TFCP2L1: variants seen among roughly 807,000 people sequenced by gnomAD.
TFCP2L1 encodes the protein transcription factor CP2 like 1, also known as transcription factor CP2-like protein 1.
A neutral mutation model predicts 72.2 loss-of-function variants in TFCP2L1; 12 were observed. That is an observed-to-expected ratio of 0.17 (90% CI 0.11 to 0.27). The LOEUF (loss-of-function observed/expected upper bound fraction) is 0.27, where lower values mean the gene tolerates loss of function less well. Among genes scored for constraint, TFCP2L1 ranks in the 10% least tolerant of loss-of-function variants. The pLI is 1.00. For missense variants in TFCP2L1, 488 were observed against 624.6 expected (o/e 0.78, Z 2.33); for synonymous variants, 260 against 251.0 (o/e 1.04, Z -0.34).
intron 11 of TFCP2L1, among the ~76,000 whole-genome samples, chr2:121,234,506 A>G (rs553616928): frequency 1.3e-5 from 2 of 152,284 alleles, no homozygotes; most frequent in South Asian, 4.1e-4. Flanking sequence ...TCATCCTCAC[A>G]AAACTTGCAA....
intron 2 of TFCP2L1, among the ~76,000 whole-genome samples, chr2:121,269,500 C>G (rs557489776): frequency 8.6e-5 from 13 of 151,914 alleles, no homozygotes; most frequent in African/African-American, 2.4e-4. Flanking sequence ...GTGGCTCATG[C>G]GTATAATCCC....
intron 10 of TFCP2L1, among the ~76,000 whole-genome samples, chr2:121,237,358 C>A (rs1441745650): frequency 1.3e-5 from 2 of 152,200 alleles, no homozygotes; most frequent in Non-Finnish European, 2.9e-5. Flanking sequence ...GCCCACCAAC[C>A]CCCCGCAGGT....
chr2:121,226,435 C>G (rs1686033533), intron 13 of TFCP2L1, among the ~76,000 whole-genome samples: 1 of 151,826 alleles, frequency 6.6e-6, no homozygotes, highest in African/African-American at 2.4e-5. Flanking sequence ...CTTCCAGTCT[C>G]TATAACGGAT....
At chr2:121,247,101 T>C (rs1008986610) in intron 5 of TFCP2L1, 131 bp from the exon 6 acceptor site, 5 of 1,077,830 alleles carry the variant, frequency 4.6e-6, no homozygotes, top group Non-Finnish European at 6.7e-6. Flanking sequence ...ACCTCCCTGC[T>C]TTCCCTGACA....
chr2:121,249,480 G>T, intron 3 of TFCP2L1, 91 bp downstream of exon 3: 1 of 1,232,068 alleles, frequency 8.1e-7, no homozygotes, highest in Non-Finnish European at 1.2e-6. Context: ...TAACCTTCCA[G>T]CTACCCGTGC....
chr2:121,284,264 C>T (rs1398303778), intron 1 of TFCP2L1, among the ~76,000 whole-genome samples: 2 of 152,180 alleles, frequency 1.3e-5, no homozygotes, highest in Admixed American at 6.5e-5. Flanking sequence ...TAAGGACAGG[C>T]TAAAGCTGGT....
intron 1 of TFCP2L1, 104 bp downstream of exon 1, chr2:121,284,944 G>T: frequency 9.5e-7 from 1 of 1,049,600 alleles, no homozygotes; most frequent in Non-Finnish European, 1.3e-6. Context: ...ACAGCGGGGA[G>T]GCCAGGGCCC....
At chr2:121,252,041 CATTCTATTCT>C (rs1037583876) in intron 2 of TFCP2L1, among the ~76,000 whole-genome samples, 2 of 151,962 alleles carry the variant, frequency 1.3e-5, no homozygotes, top group African/African-American at 2.4e-5. Flanking sequence ...TATTCTATTC[CATTCTATTCT>C]ATTCTATTCT....
intron 2 of TFCP2L1, among the ~76,000 whole-genome samples, chr2:121,264,536 G>A (rs1686890985): frequency 6.6e-6 from 1 of 152,204 alleles, no homozygotes. Context: ...GGAGGGGAAT[G>A]AGAGCACCTG....
At chr2:121,254,913 G>A (rs1012854137) in intron 2 of TFCP2L1, among the ~76,000 whole-genome samples, 1 of 152,130 alleles carries the variant, frequency 6.6e-6, no homozygotes, top group African/African-American at 2.4e-5. Flanking sequence ...GTGCTTATCT[G>A]TGGCAAAGCC....
chr2:121,233,758 G>A (rs1199796332), intron 12 of TFCP2L1, among the ~76,000 whole-genome samples: 1 of 152,202 alleles, frequency 6.6e-6, no homozygotes, highest in African/African-American at 2.4e-5. Flanking sequence ...GCTGCATCAG[G>A]AGCAGTTTGA....
chr2:121,259,507 T>A (rs928430234), intron 2 of TFCP2L1, among the ~76,000 whole-genome samples: 1 of 152,250 alleles, frequency 6.6e-6, no homozygotes, highest in Non-Finnish European at 1.5e-5. Flanking sequence ...CTGGTGAATC[T>A]GATGGAGGAT....
At chr2:121,274,039 A>G (rs1031118980) in intron 2 of TFCP2L1, among the ~76,000 whole-genome samples, 2 of 150,286 alleles carry the variant, frequency 1.3e-5, no homozygotes, top group Non-Finnish European at 3.0e-5. Flanking sequence ...GGTTGCAGTG[A>G]GCCGAGGTCA....
At chr2:121,246,455 G>A (rs1237494750) in intron 6 of TFCP2L1, among the ~76,000 whole-genome samples, 3 of 152,110 alleles carry the variant, frequency 2.0e-5, no homozygotes, top group Admixed American at 6.5e-5. Context: ...GAATCCAGAC[G>A]TGAGCACCTG....
At chr2:121,241,949 T>C (rs1383606919) in intron 7 of TFCP2L1, among the ~76,000 whole-genome samples, 2 of 151,908 alleles carry the variant, frequency 1.3e-5, no homozygotes, top group South Asian at 4.2e-4. Flanking sequence ...GCAGACAAAG[T>C]TGGGCCAGAT....
At chr2:121,275,355 C>T (rs554714203) in intron 2 of TFCP2L1, among the ~76,000 whole-genome samples, 50 of 128,928 alleles carry the variant, frequency 3.9e-4, no homozygotes, top group Admixed American at 1.6e-3. Context: ...GCCGAGATCG[C>T]GCCACTGCAC....
intron 4 of TFCP2L1, 136 bp from the exon 5 acceptor site, chr2:121,248,406 C>G (rs931119549): frequency 1.5e-6 from 1 of 663,802 alleles, no homozygotes; most frequent in South Asian, 2.0e-5. Context: ...TTTTGCATAA[C>G]TTACTGGACG....
intron 5 of TFCP2L1, among the ~76,000 whole-genome samples, chr2:121,247,467 TAC>T (rs1160046684): frequency 6.6e-6 from 1 of 151,854 alleles, no homozygotes; most frequent in African/African-American, 2.4e-5. Flanking sequence ...ATTGTTATAA[TAC>T]TGCAATATTA....
intron 2 of TFCP2L1, among the ~76,000 whole-genome samples, chr2:121,263,493 AG>A (rs758658430): frequency 6.6e-4 from 89 of 134,614 alleles, no homozygotes; most frequent in African/African-American, 2.4e-3. Flanking sequence ...AAAAAAAAAA[AG>A]GGCATACAAA....
Sources: gnomAD v4.1 joint callset for allele counts (sites outside exome capture counted in the v4.1 genomes callset) on GRCh38, gnomAD v4.1.1 for gene constraint, MANE v1.5 for transcripts, NCBI Gene and HGNC (gene_info 2026-07-23, HGNC 2026-07-21) for gene names.